Variants in CEP162 observed in about 807,000 individuals in gnomAD.
CEP162 encodes the protein centrosomal protein 162.
A neutral mutation model predicts 169.2 loss-of-function variants in CEP162; 141 were observed. The ratio of observed to expected loss-of-function variants is 0.83; its 90% CI spans 0.73 to 0.96. The LOEUF (loss-of-function observed/expected upper bound fraction) is 0.96. Ranked by LOEUF, CEP162 falls within the 40% of genes least tolerant of loss-of-function variation. The pLI is 0.00. For missense variants in CEP162, 1,600 were observed against 1,587.2 expected (o/e 1.01, Z -0.14); for synonymous variants, 540 against 526.4 (o/e 1.03, Z -0.35).
intron 13 of CEP162, among the ~76,000 whole-genome samples, chr6:84,179,980 C>T (rs1441269388): frequency 1.3e-5 from 2 of 152,242 alleles, no homozygotes; most frequent in East Asian, 3.9e-4. Flanking sequence ...GGGAATCTTC[C>T]CTAACTCATT....
chr6:84,180,967 A>C (rs1292174961), intron 13 of CEP162, among the ~76,000 whole-genome samples: 1 of 152,184 alleles, frequency 6.6e-6, no homozygotes, highest in Non-Finnish European at 1.5e-5. Context: ...GCTACCAATG[A>C]CTTTCTTCAC....
chr6:84,128,371 T>C (rs1588685037), intron 25 of CEP162, among the ~76,000 whole-genome samples: 1 of 128,462 alleles, frequency 7.8e-6, no homozygotes. Flanking sequence ...TAAGCAAACA[T>C]GTATTTAAAA....
chr6:84,206,671 A>G (rs2099547256), intron 6 of CEP162, among the ~76,000 whole-genome samples: 1 of 152,242 alleles, frequency 6.6e-6, no homozygotes, highest in Non-Finnish European at 1.5e-5. Flanking sequence ...CAAGGACTTC[A>G]TGTCTAAAAC....
intron 13 of CEP162, among the ~76,000 whole-genome samples, chr6:84,178,358 A>C (rs1485901987): frequency 6.6e-6 from 1 of 152,156 alleles, no homozygotes; most frequent in Non-Finnish European, 1.5e-5. Context: ...ATAAAAAGAG[A>C]GTAGCTGGAA....
At chr6:84,147,829 C>T (rs2099519615) in intron 24 of CEP162, among the ~76,000 whole-genome samples, 1 of 152,078 alleles carries the variant, frequency 6.6e-6, no homozygotes, top group Non-Finnish European at 1.5e-5. Context: ...AAATGTCAGT[C>T]TCATATCTTT....
rs1457050951 is a variant in CEP162, at chr6:84,169,333, C to T, written c.2380G>A (p.Ala794Thr). 5.2e-6 allele frequency: 8 copies of T among 1,547,224 alleles called. No individual in the cohort carries two copies. Among genetic ancestry groups the T allele is most frequent in the Non-Finnish European group, 7.0e-6 (8 of 1,140,984 alleles). The change falls in exon 18 of 27, where the codon GCA becomes ACA. Residue 794 changes from alanine to threonine, a missense_variant. Physicochemically the swap from Ala to Thr is moderately conservative, Grantham distance 58. Coordinates refer to ENST00000403245, the MANE Select transcript of CEP162 (RefSeq NM_014895.4). ...AAAATCGTTATGCAACTTACCTGTG[C>T]CATCCGTAGTTCTGCTAACAGATCT... ...FTDLLAELRM[A>T]QKEKDSLLED...
intron 9 of CEP162, among the ~76,000 whole-genome samples, chr6:84,196,946 T>C (rs1256903273): frequency 2.0e-5 from 3 of 152,048 alleles, no homozygotes; most frequent in Admixed American, 6.6e-5. Flanking sequence ...AGGGCAGAGA[T>C]TTTCAAGAGG....
intron 21 of CEP162, among the ~76,000 whole-genome samples, chr6:84,160,052 T>C (rs143340740): frequency 7.4e-4 from 112 of 152,316 alleles, no homozygotes; most frequent in Non-Finnish European, 1.2e-3. Flanking sequence ...AGCCCAGTAA[T>C]GACCTCACAG....
chr6:84,126,573 T>C, intron 25 of CEP162, 61 bp from the exon 26 acceptor site: 21 of 1,213,494 alleles, frequency 1.7e-5, no homozygotes, highest in Non-Finnish European at 2.4e-5. Flanking sequence ...CAGGTAATCT[T>C]GAAAATCAGA....
At chr6:84,161,115 A>G (rs2099525582) in intron 20 of CEP162, among the ~76,000 whole-genome samples, 199 bp from the exon 21 acceptor site, 1 of 152,194 alleles carries the variant, frequency 6.6e-6, no homozygotes, top group Non-Finnish European at 1.5e-5. Flanking sequence ...AGGGCAAACA[A>G]GACAAACTAA....
chr6:84,207,715 A>T (rs939604978), intron 6 of CEP162, among the ~76,000 whole-genome samples: 2 of 150,706 alleles, frequency 1.3e-5, no homozygotes, highest in Non-Finnish European at 3.0e-5. Context: ...TTAAAGTATA[A>T]AAAAAAAAGA....
intron 2 of CEP162, among the ~76,000 whole-genome samples, chr6:84,224,702 A>C (rs958794933): frequency 1.3e-5 from 2 of 152,146 alleles, no homozygotes; most frequent in Non-Finnish European, 2.9e-5. Flanking sequence ...AAAAAAAATG[A>C]CACATTGCAA....
intron 25 of CEP162, among the ~76,000 whole-genome samples, chr6:84,133,879 C>T (rs956529341): frequency 6.6e-6 from 1 of 152,168 alleles, no homozygotes; most frequent in Non-Finnish European, 1.5e-5. Context: ...GTCCAACAAG[C>T]CCCAGTGAGA....
chr6:84,151,230 T>G (rs1160964811), intron 23 of CEP162, among the ~76,000 whole-genome samples: 1 of 151,952 alleles, frequency 6.6e-6, no homozygotes, highest in Non-Finnish European at 1.5e-5. Flanking sequence ...CCCAGGTATA[T>G]GAGTATTTAA....
At chr6:84,222,100 C>A (rs1174118147) in intron 2 of CEP162, among the ~76,000 whole-genome samples, 1 of 152,064 alleles carries the variant, frequency 6.6e-6, no homozygotes, top group Non-Finnish European at 1.5e-5. Flanking sequence ...ATCCCTACGT[C>A]CCTTTTACTC....
At chr6:84,210,341 G>A (rs1279949226) in intron 6 of CEP162, among the ~76,000 whole-genome samples, 2 of 152,122 alleles carry the variant, frequency 1.3e-5, no homozygotes, top group African/African-American at 4.8e-5. Context: ...CAATCTAGAG[G>A]ACTTTCTCCT....
chr6:84,138,722 A>G (rs2099515206), intron 25 of CEP162, among the ~76,000 whole-genome samples: 1 of 152,342 alleles, frequency 6.6e-6, no homozygotes, highest in African/African-American at 2.4e-5. Context: ...ATTAACAACA[A>G]TTAAGTTAAC....
intron 13 of CEP162, among the ~76,000 whole-genome samples, chr6:84,177,887 A>C (rs1236306141): frequency 2.0e-5 from 3 of 152,192 alleles, no homozygotes; most frequent in Non-Finnish European, 4.4e-5. Context: ...GAAAACTGTG[A>C]CTTGGACAAG....
Position 84,213,630 on chromosome 6 carries a change from A to C in CEP162, c.504-606T>G, listed in dbSNP as rs149772220. On this transcript the variant is annotated intron_variant, in intron 5 of 26. Coordinates refer to ENST00000403245, the MANE Select transcript of CEP162 (RefSeq NM_014895.4). ...TTAGTGAGATCGTTAGAGAAACTAT[A>C]AGACTATATAATAATGATGAGAGCT... Among the ~76,000 whole-genome samples, 598 of 152,308 alleles carry C rather than the reference A, an allele frequency of 3.9e-3. 6 individuals carry two copies. The highest frequency in any genetic ancestry group is 4.3e-3 in the Non-Finnish European group (295 of 68,034).
Sources: gnomAD v4.1 joint callset for allele counts (sites outside exome capture counted in the v4.1 genomes callset) on GRCh38, gnomAD v4.1.1 for gene constraint, MANE v1.5 for transcripts, NCBI Gene and HGNC (gene_info 2026-07-23, HGNC 2026-07-21) for gene names.